FBXO30: variants seen among roughly 807,000 people sequenced by gnomAD.
FBXO30 encodes the protein F-box only protein 30.
Under a neutral mutation model 58.1 loss-of-function variants are expected in FBXO30, and 21 were observed. That is an observed-to-expected ratio of 0.36 (90% confidence interval 0.26 to 0.52). The LOEUF is 0.52. Among genes scored for constraint, FBXO30 ranks in the 20% least tolerant of loss-of-function variants. The probability of loss-of-function intolerance (pLI) is 0.93; values close to 1 mark genes in which losing one functional copy is unlikely to be tolerated. For missense variants in FBXO30, 744 were observed against 897.3 expected (o/e 0.83, Z 2.18); for synonymous variants, 309 against 312.4 (o/e 0.99, Z 0.11).
Position 145,803,745 on chromosome 6 carries a change from C to G in FBXO30, c.2034+627G>C, listed in dbSNP as rs913564111. Among the ~76,000 whole-genome samples, 5 of 152,118 alleles carry G rather than the reference C, an allele frequency of 3.3e-5. No individual in the cohort carries two copies. In the East Asian group the frequency reaches 9.6e-4, roughly 29 times the overall value. On this transcript the variant is annotated intron_variant, in intron 2 of 2. Coordinates refer to ENST00000237281, the MANE Select transcript of FBXO30 (RefSeq NM_032145.5). ...ACAATATGCATCACTCCTTTGGACT[C>G]TACTAAACCCAGAGTCCCCACCCAA...
At chr6:145,813,441 GACTAAGC>G (rs1778390914) in intron 1 of FBXO30, among the ~76,000 whole-genome samples, 1 of 152,094 alleles carries the variant, frequency 6.6e-6, no homozygotes, top group Non-Finnish European at 1.5e-5. Flanking sequence ...GAGAAACAGT[GACTAAGC>G]ATGAAGAAGA....
At chr6:145,814,347 G>A (rs1158133222) in intron 1 of FBXO30, among the ~76,000 whole-genome samples, 3 of 152,152 alleles carry the variant, frequency 2.0e-5, no homozygotes, top group African/African-American at 7.2e-5. Flanking sequence ...TGACCTCAAC[G>A]GCTGGCCCGG....
At chr6:145,803,565 TA>T in intron 2 of FBXO30, among the ~76,000 whole-genome samples, 1 of 152,164 alleles carries the variant, frequency 6.6e-6, no homozygotes, top group East Asian at 1.9e-4. Flanking sequence ...TGTTCAAAAA[TA>T]AAAAAACCTT....
At position 145,805,987 on chromosome 6, in the gene FBXO30, G is replaced by T; in HGVS notation, c.419C>A (p.Thr140Asn). 1 of 1,614,026 alleles carries T rather than the reference G, an allele frequency of 6.2e-7. No individual in the cohort carries two copies. Among genetic ancestry groups the T allele is most frequent in the Non-Finnish European group, 8.5e-7 (1 of 1,179,978 alleles). Reference sequence around the variant, plus strand: ...TTTATCAGTTGCTTTTGACATCATGGTGGCTACTTTGAGGGATTCTAAGAG... The same window carrying T: ...TTTATCAGTTGCTTTTGACATCATGTTGGCTACTTTGAGGGATTCTAAGAG... Reference protein sequence around the residue: ...RMLLESLKVATMMSKATDKVS... With the variant: ...RMLLESLKVANMMSKATDKVS... Residue 140 changes from threonine to asparagine, a missense_variant, in exon 2 of 3, where the codon ACC (threonine) becomes AAC (asparagine). Thr to Asn is a moderately conservative substitution (Grantham distance 65, BLOSUM62 0). Around this residue, in one of 3 missense-constraint regions of FBXO30, gnomAD observed 135 missense variants for 201.6 expected, o/e 0.67. Coordinates refer to ENST00000237281, the MANE Select transcript of FBXO30 (RefSeq NM_032145.5).
At chr6:145,810,759 A>G (rs149403074) in intron 1 of FBXO30, among the ~76,000 whole-genome samples, 76 of 152,366 alleles carry the variant, frequency 5.0e-4, no homozygotes, top group Non-Finnish European at 7.1e-4. Flanking sequence ...ATAAGGAGGT[A>G]AGTAAATATA....
chr6:145,807,696 T>C (rs970762996), intron 1 of FBXO30, among the ~76,000 whole-genome samples: 2 of 152,236 alleles, frequency 1.3e-5, no homozygotes, highest in African/African-American at 4.8e-5. Flanking sequence ...AAGTTTTATA[T>C]GAAAAATAAA....
intron 1 of FBXO30, among the ~76,000 whole-genome samples, chr6:145,809,133 T>C (rs1778265261): frequency 6.6e-6 from 1 of 152,194 alleles, no homozygotes; most frequent in South Asian, 2.1e-4. Flanking sequence ...CTTCATGAAT[T>C]TTAGACATAA....
At chr6:145,809,991 C>T (rs1388886931) in intron 1 of FBXO30, 1 of 152,172 alleles carries the variant, frequency 6.6e-6, no homozygotes, top group Non-Finnish European at 1.5e-5. Context: ...GATTACACAA[C>T]TTTGCTTGTA....
At position 145,804,796 on chromosome 6, in the gene FBXO30, T is replaced by C. The variant is rs1778112046; in HGVS notation, c.1610A>G (p.Lys537Arg). 5.0e-6 allele frequency: 8 copies of C among 1,613,852 alleles called. No homozygotes were observed. In the South Asian group the frequency reaches 8.8e-5, roughly 18 times the overall value. ...AGCATGAATGTCACCATGCACATTC[T>C]TAAAGTGGGAAGAAAATTCTTTCCT... ...FRRKEFSSHF[K>R]NVHGDIHAGL... The change falls in exon 2 of 3, where the codon AAG (lysine) becomes AGG (arginine). Residue 537 changes from lysine (K) to arginine (R), a missense_variant. By Grantham distance (26) the Lys-to-Arg change is conservative. Transcript: ENST00000237281.
At chr6:145,803,133 G>C (rs532963590) in intron 2 of FBXO30, among the ~76,000 whole-genome samples, 9 of 152,124 alleles carry the variant, frequency 5.9e-5, no homozygotes, top group Admixed American at 5.2e-4. Flanking sequence ...AATTTGAAGA[G>C]TAGGTGAGAT....
At chr6:145,800,473 T>C (rs1777962883) in intron 2 of FBXO30, among the ~76,000 whole-genome samples, 164 bp from the exon 3 acceptor site, 1 of 152,150 alleles carries the variant, frequency 6.6e-6, no homozygotes. Context: ...GACATAAATG[T>C]ATGTCAAATA....
intron 1 of FBXO30, among the ~76,000 whole-genome samples, chr6:145,813,320 T>TAAA (rs986728233): frequency 2.3e-5 from 3 of 132,648 alleles, no homozygotes; most frequent in Non-Finnish European, 1.6e-5. Context: ...TTTCCAGAAT[T>TAAA]AAAAAAAAAA....
rs761353107 is a variant in FBXO30, at chr6:145,795,478, C to T, written c.*4628G>A. On this transcript the variant is annotated 3_prime_UTR_variant, in exon 3 of 3. Transcript: ENST00000237281. The stretch of plus-strand genomic sequence containing the variant: ...GCTTAAATTTTTACCCAGTATTTGC[C>T]TTATGTTGTCAGTTCACTTCAAAAA... The T allele has an allele frequency of 6.6e-6, 1 of 151,756 alleles. No individual in the cohort carries two copies. Among genetic ancestry groups the T allele is most frequent in the Admixed American group, 6.6e-5 (1 of 15,232 alleles). 9.4% of individuals were successfully genotyped at this position (151,756 alleles called of 1,614,324 possible). A position where few individuals can be genotyped will look rare whatever the true frequency, so the allele number is the denominator to read the frequency against.
At position 145,796,571 on chromosome 6, in the gene FBXO30, A is replaced by C. The variant is rs536659536; in HGVS notation, c.*3535T>G. The C allele has an allele frequency of 3.9e-5, 6 of 152,040 alleles. No individual in the cohort carries two copies. Among genetic ancestry groups the C allele is most frequent in the Non-Finnish European group, 8.8e-5 (6 of 67,926 alleles). The allele number at this position is 152,040 out of a possible 1,614,324, so 9.4% of individuals were successfully genotyped here. On this transcript the variant is annotated 3_prime_UTR_variant, in exon 3 of 3. Transcript: ENST00000237281. Reference sequence around the variant, plus strand: ...ATTGCTTTCTCTCTACTGCACTTCTAAACAACCAACTCTGCAAGCTCCAAT... The same window carrying C: ...ATTGCTTTCTCTCTACTGCACTTCTCAACAACCAACTCTGCAAGCTCCAAT...
rs1777893293 is a variant in FBXO30 at position 145,797,786 on chromosome 6, T to A, written c.*2320A>T. 1 of 152,028 alleles carries A rather than the reference T, an allele frequency of 6.6e-6. No homozygotes were observed. The highest frequency in any genetic ancestry group is 6.6e-5 in the Admixed American group (1 of 15,228). 9.4% of individuals were successfully genotyped at this position (152,028 alleles called of 1,614,324 possible). The stretch of plus-strand genomic sequence containing the variant: ...AAATACTTCCCTCCATCCCGATGCT[T>A]GCCTTTTACCTTGCTATTTAGCAAA... On this transcript the variant is annotated 3_prime_UTR_variant, in exon 3 of 3. Coordinates refer to ENST00000237281, the MANE Select transcript of FBXO30 (RefSeq NM_032145.5).
intron 1 of FBXO30, among the ~76,000 whole-genome samples, chr6:145,807,246 G>T (rs962161264): frequency 3.9e-5 from 6 of 152,194 alleles, no homozygotes; most frequent in African/African-American, 1.4e-4. Context: ...TCGTTTTTAT[G>T]TGGTCAATTT....
Position 145,805,835 on chromosome 6 carries a change from T to C in FBXO30, c.571A>G (p.Arg191Gly), listed in dbSNP as rs143268192. Reference sequence around the variant, plus strand: ...ATATCCAAAGCAGCAGCCAAACTTCTGGTTGTTTCTACAGTAGCTTGATAA... The same window carrying C: ...ATATCCAAAGCAGCAGCCAAACTTCCGGTTGTTTCTACAGTAGCTTGATAA... ...ALYQATVETT[R>G]SLAAALDILN... is the part of the protein sequence containing the mutation. The change falls in exon 2 of 3, where the codon AGA becomes GGA. Residue 191 changes from arginine to glycine, a missense_variant. Physicochemically the swap from Arg to Gly is moderately radical, Grantham distance 125. Coordinates refer to ENST00000237281, the MANE Select transcript of FBXO30 (RefSeq NM_032145.5). The C allele has an allele frequency of 2.0e-5, 33 of 1,613,974 alleles. No individual in the cohort carries two copies. The highest frequency in any genetic ancestry group is 2.8e-5 in the Non-Finnish European group (33 of 1,179,998).
intron 2 of FBXO30, among the ~76,000 whole-genome samples, chr6:145,803,271 T>C (rs1274733039): frequency 6.6e-6 from 1 of 151,944 alleles, no homozygotes; most frequent in Non-Finnish European, 1.5e-5. Context: ...TACAAAATCA[T>C]ATGGAAAACA....
At chr6:145,802,241 G>A (rs1329264092) in intron 2 of FBXO30, among the ~76,000 whole-genome samples, 1 of 152,122 alleles carries the variant, frequency 6.6e-6, no homozygotes, top group Non-Finnish European at 1.5e-5. Flanking sequence ...TCTTCAGGAG[G>A]TAAAACCTGA....
Sources: allele counts gnomAD v4.1 joint callset (sites outside exome capture counted in the v4.1 genomes callset), GRCh38; gene constraint gnomAD v4.1.1; regional missense constraint gnomAD v4.1.1; transcripts MANE v1.5; gene names NCBI Gene and HGNC (gene_info 2026-07-23, HGNC 2026-07-21).